The following SLC18A1 variants were observed in gnomAD, a reference collection of about 807,000 sequenced individuals.
SLC18A1 encodes solute carrier family 18 member A1, also known as chromaffin granule amine transporter.
SLC18A1 carries 69 observed loss-of-function variants against 53.7 expected under a neutral mutation model. The observed-to-expected ratio is 1.28, with a 90% confidence interval of 1.06 to 1.57. The LOEUF is 1.57. Ranked by LOEUF, SLC18A1 falls within the 40% of genes most tolerant of loss-of-function variation. The probability of loss-of-function intolerance (pLI) is 0.00; values close to 1 mark genes in which losing one functional copy is unlikely to be tolerated. For missense variants in SLC18A1, 932 were observed against 668.1 expected (o/e 1.40, Z -4.35); for synonymous variants, 320 against 248.1 (o/e 1.29, Z -2.72).
intron 10 of SLC18A1, chr8:20,151,122 C>T (rs1258074476): frequency 5.3e-6 from 1 of 188,238 alleles, no homozygotes; most frequent in Non-Finnish European, 1.1e-5. Flanking sequence ...CAGATGAACA[C>T]CACCACACCT....
intron 8 of SLC18A1, among the ~76,000 whole-genome samples, chr8:20,168,353 A>T (rs1316149760): frequency 6.6e-6 from 1 of 151,966 alleles, no homozygotes; most frequent in Non-Finnish European, 1.5e-5. Context: ...AGTCACAGAA[A>T]GAGGCCCTGT....
intron 15 of SLC18A1, among the ~76,000 whole-genome samples, chr8:20,146,963 C>A (rs1227799612): frequency 6.6e-6 from 1 of 152,112 alleles, no homozygotes; most frequent in East Asian, 1.9e-4. Flanking sequence ...AACTAGCAAG[C>A]TAAGAACAGT....
At chr8:20,166,276 G>GGTGT (rs141519804) in intron 8 of SLC18A1, among the ~76,000 whole-genome samples, 5,949 of 60,158 alleles carry the variant, frequency 0.099, 622 homozygotes, top group Non-Finnish European at 0.11. Flanking sequence ...ATTGTGTGTG[G>GGTGT]GTGTGTGTGT....
chr8:20,158,541 T>C (rs1025533077), intron 10 of SLC18A1, among the ~76,000 whole-genome samples: 2 of 151,914 alleles, frequency 1.3e-5, no homozygotes, highest in African/African-American at 4.8e-5. Context: ...GGATTCCACC[T>C]CCTTTCCCTA....
At chr8:20,149,614 C>G (rs10216526) in intron 12 of SLC18A1, 62 bp downstream of exon 12, 271,391 of 1,197,022 alleles carry the variant, frequency 0.23, 32,605 homozygotes, top group African/African-American at 0.35. Context: ...CTCTCTCTCT[C>G]TCTGTCTGTC....
intron 10 of SLC18A1, among the ~76,000 whole-genome samples, chr8:20,157,939 TA>T (rs2071722978): frequency 6.6e-6 from 1 of 152,130 alleles, no homozygotes; most frequent in African/African-American, 2.4e-5. Context: ...AAGGACGCTT[TA>T]AAAAAGATTG....
chr8:20,167,062 A>G (rs1415227182), intron 8 of SLC18A1, among the ~76,000 whole-genome samples: 1 of 151,892 alleles, frequency 6.6e-6, no homozygotes, highest in African/African-American at 2.4e-5. Context: ...AATCTGTAGT[A>G]TTTTGTTCTG....
intron 10 of SLC18A1, 76 bp downstream of exon 10, chr8:20,164,793 G>T: frequency 1.8e-6 from 2 of 1,095,688 alleles, no homozygotes; most frequent in Non-Finnish European, 2.7e-6. Flanking sequence ...TTGTCCCTGT[G>T]TGACATTGAA....
intron 8 of SLC18A1, among the ~76,000 whole-genome samples, chr8:20,168,588 T>TA (rs1222354510): frequency 3.3e-5 from 5 of 151,754 alleles, no homozygotes; most frequent in African/African-American, 9.7e-5. Context: ...TTTTTTAGAG[T>TA]ATTTTTTTTG....
At chr8:20,172,114 G>A (rs571665509) in intron 6 of SLC18A1, among the ~76,000 whole-genome samples, 1 of 152,358 alleles carries the variant, frequency 6.6e-6, no homozygotes, top group East Asian at 1.9e-4. Flanking sequence ...CAGCATCGTG[G>A]TGGAAGGAGG....
At position 20,164,869 on chromosome 8, in the gene SLC18A1, C is replaced by A. The variant is rs760466707; in HGVS notation, c.1015G>T (p.Gly339Cys). The A allele has an allele frequency of 6.2e-7, 1 of 1,604,896 alleles. No individual in the cohort carries two copies. The highest frequency in any genetic ancestry group is 1.1e-5 in the South Asian group (1 of 90,598). ...QTMCSPKWQL[G>C]LAFLPASVSY... ...GAGCGGGGGTGCTGAGGTCACTTAC[C>A]CAGCTGCCACTTGGGGGAGCACATG... The change falls in exon 10 of 16, where the codon GGT (glycine) becomes TGT (cysteine). Residue 339 changes from glycine to cysteine, a missense_variant and splice_region_variant. Gly to Cys is a radical substitution (Grantham distance 159). Transcript: ENST00000276373.
In SLC18A1 at chr8:20,148,012, G is replaced by T. The variant is rs2071446515; in HGVS notation, c.1205C>A (p.Ala402Asp). The change falls in exon 13 of 16, where the codon GCC becomes GAC. Residue 402 changes from alanine to aspartate, a missense_variant. Ala to Asp is a moderately radical substitution (Grantham distance 126, BLOSUM62 -2). Transcript: ENST00000276373. ...LIGPNAGLGLAIGMVDSSMMP... is the reference protein window; with the variant it reads ...LIGPNAGLGLDIGMVDSSMMP... ...TCTTTGAGGGCACTTCTTACCTATG[G>T]CAAGGCCAAGCCCTGCATTGGGGCC... is the stretch of plus-strand genomic sequence containing the variant. 1 of 1,613,960 alleles carries T rather than the reference G, an allele frequency of 6.2e-7. No homozygotes were observed. The highest frequency in any genetic ancestry group is 1.3e-5 in the African/African-American group (1 of 75,024).
chr8:20,179,991 A>G (rs1466188627), intron 2 of SLC18A1, among the ~76,000 whole-genome samples: 4 of 152,106 alleles, frequency 2.6e-5, no homozygotes, highest in Non-Finnish European at 2.9e-5. Context: ...TTGAATCCCA[A>G]CTCTGGCACC....
chr8:20,160,363 A>C (rs2071794433), intron 10 of SLC18A1, among the ~76,000 whole-genome samples: 1 of 150,848 alleles, frequency 6.6e-6, no homozygotes, highest in African/African-American at 2.4e-5. Flanking sequence ...TTCTCAATCC[A>C]CGTTGCTCGT....
intron 8 of SLC18A1, 22 bp downstream of exon 8, chr8:20,171,081 A>G (rs768792018): frequency 1.2e-6 from 2 of 1,613,282 alleles, no homozygotes; most frequent in African/African-American, 1.3e-5. Flanking sequence ...ACTGTTAGAA[A>G]TGGAGCTTTG....
intron 1 of SLC18A1, among the ~76,000 whole-genome samples, chr8:20,181,525 T>A (rs1407178982): frequency 6.6e-6 from 1 of 152,132 alleles, no homozygotes; most frequent in Non-Finnish European, 1.5e-5. Flanking sequence ...GGTGGGAGGA[T>A]ATCTTGAGCC....
At chr8:20,176,917 G>A (rs879394814) in intron 4 of SLC18A1, among the ~76,000 whole-genome samples, 8 of 152,132 alleles carry the variant, frequency 5.3e-5, no homozygotes, top group Admixed American at 1.3e-4. Context: ...CTAGCACACC[G>A]CATTGTCTTA....
chr8:20,156,066 T>C (rs2071674302), intron 10 of SLC18A1, among the ~76,000 whole-genome samples: 1 of 152,240 alleles, frequency 6.6e-6, no homozygotes, highest in Non-Finnish European at 1.5e-5. Flanking sequence ...GACCCAGTAC[T>C]TTAACACTGG....
rs1563712817 is a variant in SLC18A1, at chr8:20,145,753, CCTT to C, written c.*7_*9del. 5.1e-6 allele frequency: 8 copies of C among 1,558,900 alleles called. No homozygotes were observed. The Admixed American group carries it at 1.4e-4, about 27-fold the overall frequency. On this transcript the variant is annotated 3_prime_UTR_variant, in exon 16 of 16. Coordinates refer to ENST00000276373, the MANE Select transcript of SLC18A1 (RefSeq NM_003053.4). ...TGAGGCATCATGAATTCAAGGAGCA[CCTT>C]CTGCTGCTACTCCTCATGGTCAGGC...
Sources: allele counts gnomAD v4.1 joint callset (sites outside exome capture counted in the v4.1 genomes callset), GRCh38; gene constraint gnomAD v4.1.1; transcripts MANE v1.5; gene names NCBI Gene and HGNC (gene_info 2026-07-23, HGNC 2026-07-21).